The following GLIS3 variants were observed in gnomAD, a reference collection of about 807,000 sequenced individuals.
GLIS3 encodes zinc finger protein GLIS3.
In GLIS3, 53 loss-of-function variants were observed where a neutral mutation model predicts 78.6. That is an observed-to-expected ratio of 0.67 (90% CI 0.54 to 0.85). The LOEUF (loss-of-function observed/expected upper bound fraction) is 0.85. Ranked by LOEUF, GLIS3 falls within the 40% of genes least tolerant of loss-of-function variation. The pLI is 0.00. For synonymous variants in GLIS3, 684 were observed against 509.9 expected (o/e 1.34, Z -4.60); for missense variants, 1,703 against 1,231.1 (o/e 1.38, Z -5.74).
At chr9:4,322,982 T>C (rs963807088) in intron 2 of GLIS3, among the ~76,000 whole-genome samples, 1 of 152,220 alleles carries the variant, frequency 6.6e-6, no homozygotes, top group Non-Finnish European at 1.5e-5. Flanking sequence ...ATGAAGTCCT[T>C]GCCCATGCCT....
intron 6 of GLIS3, among the ~76,000 whole-genome samples, chr9:3,927,552 A>C (rs1825337095): frequency 6.6e-6 from 1 of 152,228 alleles, no homozygotes; most frequent in Non-Finnish European, 1.5e-5. Flanking sequence ...AGCACGAAAT[A>C]AGATCCTGGA....
chr9:4,144,375 T>C (rs1564112979), intron 2 of GLIS3, among the ~76,000 whole-genome samples: 1 of 152,184 alleles, frequency 6.6e-6, no homozygotes, highest in Non-Finnish European at 1.5e-5. Flanking sequence ...TTTTACTAAA[T>C]GCATGAAGAG....
At chr9:4,456,074 C>T in the GLIS3 span, among the ~76,000 whole-genome samples, 1 of 152,102 alleles carries the variant, frequency 6.6e-6, no homozygotes, top group South Asian at 2.1e-4. Flanking sequence ...CGCCACTGCA[C>T]TCCAGCCTGG....
rs1480152133 is a variant in GLIS3, at chr9:4,117,962, C to G, written c.1516G>C (p.Asp506His). The change falls in exon 4 of 11, where the codon GAC becomes CAC. Residue 506 changes from aspartate to histidine, a missense_variant. Coordinates refer to ENST00000381971, the MANE Select transcript of GLIS3 (RefSeq NM_001042413.2). ...IGGKHCCRWI[D>H]CSALYDQQEE... ...TGCTGGTCGTACAGGGCGCTGCAGTCGATCCAGCGGCAGCAATGCTTGCCC... is the reference window on the plus strand; with the variant it reads ...TGCTGGTCGTACAGGGCGCTGCAGTGGATCCAGCGGCAGCAATGCTTGCCC... 1.9e-6 allele frequency: 3 copies of G among 1,613,844 alleles called. No homozygotes were observed. The highest frequency in any genetic ancestry group is 3.3e-5 in the Admixed American group (2 of 60,026).
chr9:4,478,758 T>C, the GLIS3 span, among the ~76,000 whole-genome samples: 17 of 152,144 alleles, frequency 1.1e-4, no homozygotes, highest in Non-Finnish European at 1.9e-4. Flanking sequence ...TTCCAGAAAA[T>C]ATATGCAGAA....
chr9:4,408,609 C>G, the GLIS3 span, among the ~76,000 whole-genome samples: 1 of 147,936 alleles, frequency 6.8e-6, no homozygotes, highest in South Asian at 2.2e-4. Flanking sequence ...CGCCTGTAGT[C>G]CCAGGTACTC....
intron 4 of GLIS3, among the ~76,000 whole-genome samples, chr9:4,001,446 T>C (rs1821116440): frequency 6.6e-6 from 1 of 152,196 alleles, no homozygotes; most frequent in Admixed American, 6.5e-5. Flanking sequence ...AGGCAACCAA[T>C]TAAAATTCAG....
chr9:3,898,901 G>A, intron 6 of GLIS3, 66 bp from the exon 7 acceptor site: 2 of 1,607,202 alleles, frequency 1.2e-6, no homozygotes, highest in African/African-American at 1.3e-5. Flanking sequence ...TTCCTGGGAA[G>A]GCATCATGCT....
chr9:3,830,527 G>C (rs1817983493), intron 9 of GLIS3, among the ~76,000 whole-genome samples: 1 of 152,180 alleles, frequency 6.6e-6, no homozygotes, highest in South Asian at 2.1e-4. Flanking sequence ...TGAGTCATTG[G>C]ATAAGGAAGT....
intron 2 of GLIS3, among the ~76,000 whole-genome samples, chr9:4,341,965 TTTGC>T (rs113444324): frequency 0.024 from 3,723 of 152,330 alleles, 154 homozygotes; most frequent in African/African-American, 0.081. Context: ...TGCTTGTTAA[TTTGC>T]TTAAGTTCCT....
chr9:3,878,551 CTTT>C (rs1821483442), intron 8 of GLIS3: 1 of 152,112 alleles, frequency 6.6e-6, no homozygotes, highest in African/African-American at 2.4e-5. Flanking sequence ...AGTTACAAAA[CTTT>C]TATTCCTGCT....
At chr9:4,175,480 A>G (rs896356216) in intron 2 of GLIS3, among the ~76,000 whole-genome samples, 1 of 147,868 alleles carries the variant, frequency 6.8e-6, no homozygotes, top group African/African-American at 2.5e-5. Flanking sequence ...GCTACTGAAC[A>G]CAAATAACTT....
chr9:4,430,490 C>T, the GLIS3 span, among the ~76,000 whole-genome samples: 2 of 152,208 alleles, frequency 1.3e-5, no homozygotes, highest in African/African-American at 2.4e-5. Flanking sequence ...AATATTTGGG[C>T]AGGGCCCTCA....
At chr9:4,294,567 C>A (rs1002806767) in intron 1 of GLIS3, among the ~76,000 whole-genome samples, 1 of 152,048 alleles carries the variant, frequency 6.6e-6, no homozygotes, top group African/African-American at 2.4e-5. Flanking sequence ...GCTTAGCACA[C>A]TGTTCAGCAC....
chr9:3,868,830 GT>G (rs1820779017), intron 8 of GLIS3, among the ~76,000 whole-genome samples: 1 of 1,246 alleles, frequency 8.0e-4, no homozygotes, highest in South Asian at 0.033. Context: ...TACAACACTT[GT>G]TGTACATAGT....
chr9:4,086,104 C>G (rs1238618164), intron 4 of GLIS3, among the ~76,000 whole-genome samples: 2 of 152,206 alleles, frequency 1.3e-5, no homozygotes, highest in Non-Finnish European at 2.9e-5. Flanking sequence ...TTCAATGTCT[C>G]TCACAATTTG....
At chr9:4,186,238 A>G (rs1024635942) in intron 2 of GLIS3, among the ~76,000 whole-genome samples, 1 of 149,204 alleles carries the variant, frequency 6.7e-6, no homozygotes, top group Non-Finnish European at 1.5e-5. Context: ...TATGAGTGAG[A>G]ACATGCAGTG....
intron 4 of GLIS3, among the ~76,000 whole-genome samples, chr9:4,007,877 G>A (rs963819934): frequency 4.7e-5 from 7 of 148,364 alleles, no homozygotes; most frequent in East Asian, 2.0e-4. Context: ...ATGGCAGGTC[G>A]GGCGGGGGTG....
chr9:4,216,008 A>C (rs1454151460), intron 2 of GLIS3, among the ~76,000 whole-genome samples: 1 of 152,174 alleles, frequency 6.6e-6, no homozygotes, highest in Admixed American at 6.5e-5. Flanking sequence ...GCTTGGGCTG[A>C]TGGTCCAGTT....
Sources: allele counts gnomAD v4.1 joint callset (sites outside exome capture counted in the v4.1 genomes callset), GRCh38; gene constraint gnomAD v4.1.1; transcripts MANE v1.5; gene names NCBI Gene and HGNC (gene_info 2026-07-23, HGNC 2026-07-21).